The following NRXN1 variants were observed in gnomAD, a reference collection of about 807,000 sequenced individuals.
NRXN1 encodes the protein neurexin 1.
In NRXN1, 39 loss-of-function variants were observed where a neutral mutation model predicts 150.9. The observed-to-expected ratio is 0.26, with a 90% CI of 0.20 to 0.34. NRXN1 has a LOEUF of 0.34. Ranked by LOEUF, NRXN1 falls within the 10% of genes least tolerant of loss-of-function variation. The probability of loss-of-function intolerance (pLI) is 1.00; values close to 1 mark genes in which losing one functional copy is unlikely to be tolerated. For synonymous variants in NRXN1, 924 were observed against 757.0 expected (o/e 1.22, Z -3.62); for missense variants, 1,815 against 1,949.9 (o/e 0.93, Z 1.30).
chr2:51,016,997 C>T (rs1347984021), intron 2 of NRXN1, among the ~76,000 whole-genome samples: 1 of 151,834 alleles, frequency 6.6e-6, no homozygotes, highest in Non-Finnish European at 1.5e-5. Flanking sequence ...AGCAAAATAA[C>T]ACAGGAACAG....
chr2:50,562,932 T>C (rs1573560773), intron 8 of NRXN1, among the ~76,000 whole-genome samples: 1 of 152,104 alleles, frequency 6.6e-6, no homozygotes, highest in African/African-American at 2.4e-5. Flanking sequence ...CCCATTAACA[T>C]TAATTAGCTT....
chr2:50,278,344 G>C (rs1403268788), intron 17 of NRXN1, among the ~76,000 whole-genome samples: 1 of 136,026 alleles, frequency 7.4e-6, no homozygotes. Flanking sequence ...TAGTAGAGAT[G>C]GGGTTTCACC....
At chr2:50,939,138 G>T (rs1688995908) in intron 2 of NRXN1, among the ~76,000 whole-genome samples, 1 of 146,560 alleles carries the variant, frequency 6.8e-6, no homozygotes, top group Non-Finnish European at 1.5e-5. Context: ...ATGAACCTGG[G>T]AGGCAGAGCT....
At chr2:50,582,603 C>T (rs1024106623) in intron 8 of NRXN1, among the ~76,000 whole-genome samples, 1 of 149,598 alleles carries the variant, frequency 6.7e-6, no homozygotes, top group Non-Finnish European at 1.5e-5. Context: ...ACTAGCAAAA[C>T]TAGCACATAA....
chr2:50,885,329 C>T (rs1017592974), intron 5 of NRXN1, among the ~76,000 whole-genome samples: 7 of 150,536 alleles, frequency 4.7e-5, no homozygotes, highest in Non-Finnish European at 1.0e-4. Flanking sequence ...AAATGAAATA[C>T]GTTTAAATTT....
At chr2:50,820,784 G>T (rs1223549803) in intron 5 of NRXN1, among the ~76,000 whole-genome samples, 1 of 151,988 alleles carries the variant, frequency 6.6e-6, no homozygotes, top group Non-Finnish European at 1.5e-5. Flanking sequence ...CTCTGTCAGG[G>T]ATCAAAACCA....
intron 18 of NRXN1, among the ~76,000 whole-genome samples, chr2:50,152,649 C>T (rs932119557): frequency 1.3e-5 from 2 of 151,704 alleles, no homozygotes; most frequent in Admixed American, 6.6e-5. Context: ...AATATATCAG[C>T]CCATTGCCTT....
chr2:50,337,522 C>G (rs1480017698), intron 17 of NRXN1, among the ~76,000 whole-genome samples: 1 of 152,112 alleles, frequency 6.6e-6, no homozygotes, highest in Non-Finnish European at 1.5e-5. Context: ...AAGTACCTAT[C>G]TCATAAAGTT....
At chr2:50,181,149 G>T (rs544342041) in intron 18 of NRXN1, among the ~76,000 whole-genome samples, 1 of 151,912 alleles carries the variant, frequency 6.6e-6, no homozygotes, top group East Asian at 1.9e-4. Context: ...TCTTTCTACA[G>T]GTACATGACA....
At chr2:50,635,249 C>A (rs1258429534) in intron 5 of NRXN1, among the ~76,000 whole-genome samples, 2 of 152,006 alleles carry the variant, frequency 1.3e-5, no homozygotes, top group African/African-American at 4.8e-5. Flanking sequence ...CCTCCACCTC[C>A]CGGGTTCACG....
chr2:50,973,059 C>G (rs1205733820), intron 2 of NRXN1, among the ~76,000 whole-genome samples: 1 of 152,184 alleles, frequency 6.6e-6, no homozygotes, highest in African/African-American at 2.4e-5. Context: ...TCTTCCGTGT[C>G]TGTTTTCCTT....
chr2:50,858,776 C>T (rs1452380379), intron 5 of NRXN1, among the ~76,000 whole-genome samples: 2 of 151,968 alleles, frequency 1.3e-5, no homozygotes, highest in African/African-American at 4.8e-5. Context: ...GTAATATTTG[C>T]ATTTACATAT....
At chr2:50,964,712 T>C (rs140236941) in intron 2 of NRXN1, among the ~76,000 whole-genome samples, 211 of 151,654 alleles carry the variant, frequency 1.4e-3, no homozygotes, top group African/African-American at 4.8e-3. Context: ...GTGGCAGATA[T>C]TCATAAATGC....
intron 5 of NRXN1, among the ~76,000 whole-genome samples, chr2:50,868,774 C>A (rs1233556592): frequency 6.6e-6 from 1 of 151,782 alleles, no homozygotes; most frequent in African/African-American, 2.4e-5. Context: ...GTTCTCTTCT[C>A]CTAATGGTCA....
intron 17 of NRXN1, among the ~76,000 whole-genome samples, chr2:50,402,747 G>C (rs932360492): frequency 6.6e-6 from 1 of 152,056 alleles, no homozygotes; most frequent in Non-Finnish European, 1.5e-5. Context: ...GAATCCCAGA[G>C]CCCATTAGAA....
intron 18 of NRXN1, among the ~76,000 whole-genome samples, chr2:50,095,355 T>C (rs780643594): frequency 7.9e-5 from 12 of 152,200 alleles, no homozygotes; most frequent in Non-Finnish European, 1.8e-4. Context: ...ACACAACAAG[T>C]ACAGGAAGAT....
At chr2:50,902,485 A>T (rs1245713605) in intron 5 of NRXN1, among the ~76,000 whole-genome samples, 1 of 152,208 alleles carries the variant, frequency 6.6e-6, no homozygotes, top group African/African-American at 2.4e-5. Context: ...ATTTTAGCTT[A>T]TCTTGGAAAA....
chr2:50,151,225 C>A (rs1226149860), intron 18 of NRXN1, among the ~76,000 whole-genome samples: 3 of 151,680 alleles, frequency 2.0e-5, no homozygotes, highest in African/African-American at 7.3e-5. Context: ...AGGTTTCTTT[C>A]CATTCTGGGA....
chr2:50,460,740 C>T (rs1015823), intron 17 of NRXN1, among the ~76,000 whole-genome samples: 140,386 of 152,058 alleles, frequency 0.92, 65,219 homozygotes, highest in African/African-American at 0.98. Flanking sequence ...CTTTATCATT[C>T]ACCTGAGGCA....
Sources: allele counts gnomAD v4.1 joint callset (sites outside exome capture counted in the v4.1 genomes callset), GRCh38; gene constraint gnomAD v4.1.1; transcripts MANE v1.5; gene names NCBI Gene and HGNC (gene_info 2026-07-23, HGNC 2026-07-21).